The following KRTAP3-1 variants were observed in gnomAD, a reference collection of about 807,000 sequenced individuals.
KRTAP3-1 encodes keratin-associated protein 3-1.
In KRTAP3-1, 3 loss-of-function variants were observed where a neutral mutation model predicts 2.8. That is an observed-to-expected ratio of 1.07 (90% CI 0.49 to 2.78). KRTAP3-1 has a LOEUF of 2.78. Ranked by LOEUF, KRTAP3-1 falls within the 30% of genes most tolerant of loss-of-function variation. The pLI, the probability that KRTAP3-1 is intolerant of heterozygous loss-of-function variation, is 0.04. For synonymous variants in KRTAP3-1, 47 were observed against 49.1 expected (o/e 0.96, Z 0.18); for missense variants, 130 against 127.6 (o/e 1.02, Z -0.09).
Position 41,009,016 on chromosome 17 carries a change from C to A in KRTAP3-1, c.59G>T (p.Cys20Phe), listed in dbSNP as rs1406277726. 5 of 1,614,050 alleles carry A rather than the reference C, an allele frequency of 3.1e-6. No homozygotes were observed. The Admixed American group carries it at 8.3e-5, about 27-fold the overall frequency. ...ACAGCGGCAGCTTTTATCAAATGAG[C>A]AGAAGGTGGTGGCAGGGCCGGTGGG... ...SVPTGPATTFCSFDKSCRCGV... is the reference protein window; with the variant it reads ...SVPTGPATTFFSFDKSCRCGV... Residue 20 changes from cysteine to phenylalanine, a missense_variant, in exon 1 of 1, where the codon TGC becomes TTC. Cys to Phe is a radical substitution (Grantham distance 205, BLOSUM62 -2). Transcript: ENST00000391588.
Position 41,008,689 on chromosome 17 carries a change from C to T in KRTAP3-1, c.*89G>A. 1 of 1,302,258 alleles carries T rather than the reference C, an allele frequency of 7.7e-7. No individual in the cohort carries two copies. Among genetic ancestry groups the T allele is most frequent in the Non-Finnish European group, 1.0e-6 (1 of 953,760 alleles). The allele number at this position is 1,302,258 out of a possible 1,614,324, so 80.7% of individuals were successfully genotyped here. A position where few individuals can be genotyped will look rare whatever the true frequency, so the allele number is the denominator to read the frequency against. ...CCCCGGGGATTGGGATGGCCTTAGCCTTGATGTAGGCAGTAGTGAGTGCTG... is the reference window on the plus strand; with the variant it reads ...CCCCGGGGATTGGGATGGCCTTAGCTTTGATGTAGGCAGTAGTGAGTGCTG... On this transcript the variant is annotated 3_prime_UTR_variant, in exon 1 of 1. Coordinates refer to ENST00000391588, the MANE Select transcript of KRTAP3-1 (RefSeq NM_031958.2).
chr17:41,008,904 C>G lies in KRTAP3-1; in HGVS notation c.171G>C (p.Lys57Asn). 1.2e-6 allele frequency: 2 copies of G among 1,614,196 alleles called. No individual in the cohort carries two copies. The highest frequency in any genetic ancestry group is 1.1e-5 in the South Asian group (1 of 91,082). Residue 57 changes from lysine (K) to asparagine (N), a missense_variant, in exon 1 of 1, where the codon AAG (lysine) becomes AAC (asparagine). By Grantham distance (94) the Lys-to-Asn change is moderately conservative. Transcript: ENST00000391588. The part of the protein sequence containing the change: ...CCDTCPPPCC[K>N]PDTYVPTCWL... Reference sequence around the variant, plus strand: ...AGCAAGTTGGCACATAGGTATCAGGCTTGCAGCAGGGTGGGGGGCAGGTGT... The same window carrying G: ...AGCAAGTTGGCACATAGGTATCAGGGTTGCAGCAGGGTGGGGGGCAGGTGT...
chr17:41,009,032 G>A lies in KRTAP3-1; in HGVS notation c.43C>T (p.Pro15Ser), dbSNP rs750455186. ...ALRSCSVPTG[P>S]ATTFCSFDKS... is the part of the protein sequence containing the mutation. ...TCAAATGAGCAGAAGGTGGTGGCAG[G>A]GCCGGTGGGGACGCTGCAGGAGCGG... Residue 15 changes from proline (P) to serine (S), a missense_variant, in exon 1 of 1, where the codon CCT becomes TCT. Physicochemically the swap from Pro to Ser is moderately conservative, Grantham distance 74. Transcript: ENST00000391588. 7 of 1,614,176 alleles carry A rather than the reference G, an allele frequency of 4.3e-6. No homozygotes were observed. The highest frequency in any genetic ancestry group is 2.2e-5 in the South Asian group (2 of 91,080).
rs1164544194 is a variant in KRTAP3-1 at position 41,009,020 on chromosome 17, AG to A, written c.54del (p.Phe19SerfsTer59). The A allele has an allele frequency of 3.7e-6, 6 of 1,614,198 alleles. No individual in the cohort carries two copies. The highest frequency in any genetic ancestry group is 4.2e-6 in the Non-Finnish European group (5 of 1,180,038). On this transcript the variant is annotated frameshift_variant, in exon 1 of 1. Transcript: ENST00000391588. LOFTEE classifies it high-confidence loss of function. ...CGGCAGCTTTTATCAAATGAGCAGAAGGTGGTGGCAGGGCCGGTGGGGACGC... is the reference window on the plus strand; with the variant it reads ...CGGCAGCTTTTATCAAATGAGCAGAAGTGGTGGCAGGGCCGGTGGGGACGC... ...SCSVPTGPAT[T>X]FCSFDKSCRC...
Position 41,008,990 on chromosome 17 carries a change from C to T in KRTAP3-1, c.85G>A (p.Gly29Arg). The change falls in exon 1 of 1, where the codon GGA (glycine) becomes AGA (arginine). Residue 29 changes from glycine (G) to arginine (R), a missense_variant. Coordinates refer to ENST00000391588, the MANE Select transcript of KRTAP3-1 (RefSeq NM_031958.2). The stretch of plus-strand genomic sequence containing the variant: ...GGGCAGGTGCTGGGTAGGCAGACTC[C>T]ACAGCGGCAGCTTTTATCAAATGAG... ...FCSFDKSCRCGVCLPSTCPHE... is the reference protein window; with the variant it reads ...FCSFDKSCRCRVCLPSTCPHE... 1 of 1,614,224 alleles carries T rather than the reference C, an allele frequency of 6.2e-7. No homozygotes were observed.
rs140051221 is a variant in KRTAP3-1 at position 41,008,929 on chromosome 17, T to C, written c.146A>G (p.Asp49Gly). ...CTTGCAGCAGGGTGGGGGGCAGGTGTCACAGCAGATGGGCTGAAGGAGGCT... is the reference window on the plus strand; with the variant it reads ...CTTGCAGCAGGGTGGGGGGCAGGTGCCACAGCAGATGGGCTGAAGGAGGCT... Reference protein sequence around the residue: ...EISLLQPICCDTCPPPCCKPD... With the variant: ...EISLLQPICCGTCPPPCCKPD... The change falls in exon 1 of 1, where the codon GAC (aspartate) becomes GGC (glycine). Residue 49 changes from aspartate to glycine, a missense_variant. Coordinates refer to ENST00000391588, the MANE Select transcript of KRTAP3-1 (RefSeq NM_031958.2). The C allele has an allele frequency of 6.7e-4, 1,089 of 1,614,180 alleles. 10 individuals carry two copies. The African/African-American group carries it at 0.013, about 19-fold the overall frequency.
In KRTAP3-1 at chr17:41,009,059, G is replaced by C; in HGVS notation, c.16C>G (p.Leu6Val). MYCCALRSCSVPTGPA... is the reference protein window; with the variant it reads MYCCAVRSCSVPTGPA... ...CCGGTGGGGACGCTGCAGGAGCGGAGAGCACAGCAATACATGGCAATGGGA... is the reference window on the plus strand; with the variant it reads ...CCGGTGGGGACGCTGCAGGAGCGGACAGCACAGCAATACATGGCAATGGGA... The change falls in exon 1 of 1, where the codon CTC (leucine) becomes GTC (valine). Residue 6 changes from leucine (L) to valine (V), a missense_variant. Leu to Val is a conservative substitution (Grantham distance 32, BLOSUM62 1). Coordinates refer to ENST00000391588, the MANE Select transcript of KRTAP3-1 (RefSeq NM_031958.2). 1 of 1,613,934 alleles carries C rather than the reference G, an allele frequency of 6.2e-7. No individual in the cohort carries two copies.
chr17:41,008,932 C>T lies in KRTAP3-1; in HGVS notation c.143G>A (p.Cys48Tyr). 6.2e-7 allele frequency: 1 copy of T among 1,614,218 alleles called. No individual in the cohort carries two copies. The highest frequency in any genetic ancestry group is 8.5e-7 in the Non-Finnish European group (1 of 1,180,052). Residue 48 changes from cysteine to tyrosine, a missense_variant, in exon 1 of 1, where the codon TGT becomes TAT. Physicochemically the swap from Cys to Tyr is radical, Grantham distance 194. Coordinates refer to ENST00000391588, the MANE Select transcript of KRTAP3-1 (RefSeq NM_031958.2). The stretch of plus-strand genomic sequence containing the variant: ...GCAGCAGGGTGGGGGGCAGGTGTCA[C>T]AGCAGATGGGCTGAAGGAGGCTGAT... The part of the protein sequence containing the change: ...HEISLLQPIC[C>Y]DTCPPPCCKP...
In KRTAP3-1 at chr17:41,009,123, C is replaced by G. The variant is rs368645204; in HGVS notation, c.-49G>C. 395 of 1,554,682 alleles carry G rather than the reference C, an allele frequency of 2.5e-4. 3 individuals are homozygous for G. In the South Asian group the frequency reaches 4.6e-3, roughly 18 times the overall value. Reference sequence around the variant, plus strand: ...TGAGTTGAGAGAAGTCTGTTGGTGTCTCGATGCTCCTCTCTTCTGCTCTGG... The same window carrying G: ...TGAGTTGAGAGAAGTCTGTTGGTGTGTCGATGCTCCTCTCTTCTGCTCTGG... On this transcript the variant is annotated 5_prime_UTR_variant, in exon 1 of 1. Coordinates refer to ENST00000391588, the MANE Select transcript of KRTAP3-1 (RefSeq NM_031958.2).
At position 41,009,035 on chromosome 17, in the gene KRTAP3-1, C is replaced by T. The variant is rs373782723; in HGVS notation, c.40G>A (p.Gly14Ser). The change falls in exon 1 of 1, where the codon GGC (glycine) becomes AGC (serine). Residue 14 changes from glycine to serine, a missense_variant. Coordinates refer to ENST00000391588, the MANE Select transcript of KRTAP3-1 (RefSeq NM_031958.2). ...AATGAGCAGAAGGTGGTGGCAGGGC[C>T]GGTGGGGACGCTGCAGGAGCGGAGA... ...CALRSCSVPT[G>S]PATTFCSFDK... is the part of the protein sequence containing the mutation. 137 of 1,613,956 alleles carry T rather than the reference C, an allele frequency of 8.5e-5. No individual in the cohort carries two copies. Among genetic ancestry groups the T allele is most frequent in the African/African-American group, 3.1e-4 (23 of 74,888 alleles).
rs1160244926 is a variant in KRTAP3-1 at position 41,008,793 on chromosome 17, A to G, written c.282T>C (p.Cys94=). Residue 94 remains cysteine, a synonymous_variant, in exon 1 of 1, where the codon TGT becomes TGC. Coordinates refer to ENST00000391588, the MANE Select transcript of KRTAP3-1 (RefSeq NM_031958.2). ...ACTCGGCTGGTTAACAGCGGGGCTC[A>G]CAGGGACTCTCACAGCCAGGCTGAA... ...TYVQPGCESP[C]EPRC The G allele has an allele frequency of 1.2e-6, 2 of 1,609,256 alleles. No individual in the cohort carries two copies. The highest frequency in any genetic ancestry group is 1.7e-5 in the Admixed American group (1 of 59,832).
At position 41,009,119 on chromosome 17, in the gene KRTAP3-1, G is replaced by A; in HGVS notation, c.-45C>T. 1 of 1,567,900 alleles carries A rather than the reference G, an allele frequency of 6.4e-7. No individual in the cohort carries two copies. The highest frequency in any genetic ancestry group is 8.7e-7 in the Non-Finnish European group (1 of 1,148,868). On this transcript the variant is annotated 5_prime_UTR_variant, in exon 1 of 1. Transcript: ENST00000391588. ...TTGTTGAGTTGAGAGAAGTCTGTTG[G>A]TGTCTCGATGCTCCTCTCTTCTGCT...
In KRTAP3-1 at chr17:41,008,728, G is replaced by A. The variant is rs1180424015; in HGVS notation, c.*50C>T. On this transcript the variant is annotated 3_prime_UTR_variant, in exon 1 of 1. Coordinates refer to ENST00000391588, the MANE Select transcript of KRTAP3-1 (RefSeq NM_031958.2). ...TAGTGAGTGCTGAAGCCCAGATGGTGCAGAGGACATTGGGCAGCCACCTCA... is the reference window on the plus strand; with the variant it reads ...TAGTGAGTGCTGAAGCCCAGATGGTACAGAGGACATTGGGCAGCCACCTCA... 6.5e-7 allele frequency: 1 copy of A among 1,532,892 alleles called. No individual in the cohort carries two copies. Among genetic ancestry groups the A allele is most frequent in the Non-Finnish European group, 8.9e-7 (1 of 1,129,544 alleles). 95.0% of individuals were successfully genotyped at this position (1,532,892 alleles called of 1,614,324 possible).
Position 41,008,692 on chromosome 17 carries a change from G to A in KRTAP3-1, c.*86C>T. ...CGGGGATTGGGATGGCCTTAGCCTTGATGTAGGCAGTAGTGAGTGCTGAAG... is the reference window on the plus strand; with the variant it reads ...CGGGGATTGGGATGGCCTTAGCCTTAATGTAGGCAGTAGTGAGTGCTGAAG... On this transcript the variant is annotated 3_prime_UTR_variant, in exon 1 of 1. Transcript: ENST00000391588. The A allele has an allele frequency of 7.7e-7, 1 of 1,305,040 alleles. No homozygotes were observed. Among genetic ancestry groups the A allele is most frequent in the Non-Finnish European group, 1.0e-6 (1 of 954,182 alleles). 80.8% of individuals were successfully genotyped at this position (1,305,040 alleles called of 1,614,324 possible).
At position 41,008,785 on chromosome 17, in the gene KRTAP3-1, C is replaced by T. The variant is rs775281697; in HGVS notation, c.290G>A (p.Arg97His). The change falls in exon 1 of 1, where the codon CGC becomes CAC. Residue 97 changes from arginine (R) to histidine (H), a missense_variant. Transcript: ENST00000391588. Reference sequence around the variant, plus strand: ...CTGTGCAGACTCGGCTGGTTAACAGCGGGGCTCACAGGGACTCTCACAGCC... The same window carrying T: ...CTGTGCAGACTCGGCTGGTTAACAGTGGGGCTCACAGGGACTCTCACAGCC... ...QPGCESPCEPRC is the reference protein window; with the variant it reads ...QPGCESPCEPHC 97 of 1,604,178 alleles carry T rather than the reference C, an allele frequency of 6.0e-5. No individual in the cohort carries two copies. Among genetic ancestry groups the T allele is most frequent in the Middle Eastern group, 3.3e-4 (2 of 6,036 alleles).
At position 41,008,917 on chromosome 17, in the gene KRTAP3-1, G is replaced by C. The variant is rs140757196; in HGVS notation, c.158C>G (p.Pro53Arg). 1.5e-5 allele frequency: 25 copies of C among 1,614,076 alleles called. No individual in the cohort carries two copies. The African/African-American group carries it at 2.1e-4, about 14-fold the overall frequency. The stretch of plus-strand genomic sequence containing the variant: ...ATAGGTATCAGGCTTGCAGCAGGGT[G>C]GGGGGCAGGTGTCACAGCAGATGGG... ...LQPICCDTCP[P>R]PCCKPDTYVP... Residue 53 changes from proline (P) to arginine (R), a missense_variant, in exon 1 of 1, where the codon CCA becomes CGA. Pro to Arg is a moderately radical substitution (Grantham distance 103). Coordinates refer to ENST00000391588, the MANE Select transcript of KRTAP3-1 (RefSeq NM_031958.2).
chr17:41,008,795 A>G lies in KRTAP3-1; in HGVS notation c.280T>C (p.Cys94Arg). 6.2e-7 allele frequency: 1 copy of G among 1,609,768 alleles called. No individual in the cohort carries two copies. The highest frequency in any genetic ancestry group is 8.5e-7 in the Non-Finnish European group (1 of 1,177,256). Residue 94 changes from cysteine to arginine, a missense_variant, in exon 1 of 1, where the codon TGT becomes CGT. Transcript: ENST00000391588. The part of the protein sequence containing the change: ...TYVQPGCESP[C>R]EPRC Reference sequence around the variant, plus strand: ...TCGGCTGGTTAACAGCGGGGCTCACAGGGACTCTCACAGCCAGGCTGAACA... The same window carrying G: ...TCGGCTGGTTAACAGCGGGGCTCACGGGGACTCTCACAGCCAGGCTGAACA...
chr17:41,008,787 G>A lies in KRTAP3-1; in HGVS notation c.288C>T (p.Pro96=). ...VQPGCESPCE[P]RC ...GTGCAGACTCGGCTGGTTAACAGCG[G>A]GGCTCACAGGGACTCTCACAGCCAG... The change falls in exon 1 of 1, where the codon CCC becomes CCT. Residue 96 remains proline, a synonymous_variant. Coordinates refer to ENST00000391588, the MANE Select transcript of KRTAP3-1 (RefSeq NM_031958.2). 6.2e-7 allele frequency: 1 copy of A among 1,606,398 alleles called. No homozygotes were observed. Among genetic ancestry groups the A allele is most frequent in the Non-Finnish European group, 8.5e-7 (1 of 1,175,314 alleles).
At position 41,008,634 on chromosome 17, in the gene KRTAP3-1, A is replaced by G. The variant is rs2011977845; in HGVS notation, c.*144T>C. The G allele has an allele frequency of 1.4e-6, 1 of 735,128 alleles. No homozygotes were observed. Among genetic ancestry groups the G allele is most frequent in the Non-Finnish European group, 2.2e-6 (1 of 463,204 alleles). The allele number at this position is 735,128 out of a possible 1,614,324, so 45.5% of individuals were successfully genotyped here. ...GGTCTCCAATGGTACCCAAATGTGC[A>G]AATAATTAAGAAGATTCATCAAGAC... On this transcript the variant is annotated 3_prime_UTR_variant, in exon 1 of 1. Transcript: ENST00000391588.
Sources: gnomAD v4.1 joint callset for allele counts on GRCh38, gnomAD v4.1.1 for gene constraint, MANE v1.5 for transcripts, NCBI Gene and HGNC (gene_info 2026-07-23, HGNC 2026-07-21) for gene names.